ADCY1: variants seen among roughly 807,000 people sequenced by gnomAD.
ADCY1 encodes adenylate cyclase type 1.
ADCY1 carries 28 observed loss-of-function variants against 105.4 expected under a neutral mutation model. The observed-to-expected ratio is 0.27, with a 90% CI of 0.20 to 0.36. The LOEUF is 0.36. Ranked by LOEUF, ADCY1 falls within the 10% of genes least tolerant of loss-of-function variation. ADCY1 has a pLI of 1.00. For synonymous variants in ADCY1, 655 were observed against 623.8 expected (o/e 1.05, Z -0.75); for missense variants, 977 against 1,434.2 (o/e 0.68, Z 5.15).
At position 45,649,663 on chromosome 7, in the gene ADCY1, A is replaced by G. The variant is rs1366800915; in HGVS notation, c.1148+866A>G. Among the ~76,000 whole-genome samples, 7 of 152,198 alleles carry G rather than the reference A, an allele frequency of 4.6e-5. No homozygotes were observed. In the South Asian group the frequency reaches 1.4e-3, roughly 32 times the overall value. ...CCATCACTGCCTCGTGGGCTGCCCC[A>G]TGCAGTGCTCCTGCAGACAGTGTGA... On this transcript the variant is annotated intron_variant, in intron 5 of 19. Transcript: ENST00000297323.
At position 45,708,195 on chromosome 7, in the gene ADCY1, C is replaced by A. The variant is rs530394210; in HGVS notation, c.2818-155C>A. ...GCCAATACCCTGCCTCTCTCTTAGT[C>A]TCCTACCTGTAGAATGGAATGATAA... On this transcript the variant is annotated intron_variant, in intron 17 of 19. Transcript: ENST00000297323. The surrounding 1 kb of genome is among the most constrained non-coding windows in gnomAD (Gnocchi z 4.7). Among the ~76,000 whole-genome samples the A allele has an allele frequency of 6.6e-6, 1 of 152,336 alleles. No individual in the cohort carries two copies. The highest frequency in any genetic ancestry group is 1.5e-5 in the Non-Finnish European group (1 of 68,024).
intron 6 of ADCY1, among the ~76,000 whole-genome samples, chr7:45,658,584 G>T (rs532151874): frequency 6.6e-6 from 1 of 152,352 alleles, no homozygotes; most frequent in African/African-American, 2.4e-5. Context: ...TGTGCCCGGG[G>T]CTCAGCATAA....
At chr7:45,632,605 T>G (rs374445304) in intron 4 of ADCY1, among the ~76,000 whole-genome samples, 4 of 152,202 alleles carry the variant, frequency 2.6e-5, no homozygotes, top group African/African-American at 9.7e-5. Flanking sequence ...TTTCTGTTAC[T>G]CAGGCTGGAG....
intron 4 of ADCY1, among the ~76,000 whole-genome samples, chr7:45,625,727 G>A (rs1225094438): frequency 6.6e-6 from 1 of 151,522 alleles, no homozygotes; most frequent in Non-Finnish European, 1.5e-5. Context: ...TATGTGCCTT[G>A]TGTGTCCCCT....
intron 4 of ADCY1, among the ~76,000 whole-genome samples, chr7:45,625,510 A>G (rs571683391): frequency 6.6e-6 from 1 of 152,022 alleles, no homozygotes. Context: ...TGAATGTGTG[A>G]ACATGGGTGT....
chr7:45,696,049 G>A (rs546617851), intron 14 of ADCY1, among the ~76,000 whole-genome samples: 1 of 152,336 alleles, frequency 6.6e-6, no homozygotes, highest in Admixed American at 6.5e-5. Flanking sequence ...ACCAGAGGCC[G>A]TCTGAAACAG....
At chr7:45,691,232 A>G (rs145384681) in intron 14 of ADCY1, among the ~76,000 whole-genome samples, 209 of 152,350 alleles carry the variant, frequency 1.4e-3, no homozygotes, top group Middle Eastern at 3.4e-3. Flanking sequence ...TAGAATATGC[A>G]TTCCTGGGCC....
chr7:45,682,327 T>G (rs1784574971), intron 11 of ADCY1, among the ~76,000 whole-genome samples: 1 of 152,138 alleles, frequency 6.6e-6, no homozygotes, highest in African/African-American at 2.4e-5. Context: ...TGCTGAGGGT[T>G]GAAAAGGAAT....
chr7:45,690,664 G>T (rs892948249), intron 14 of ADCY1, among the ~76,000 whole-genome samples: 2 of 152,270 alleles, frequency 1.3e-5, no homozygotes, highest in African/African-American at 4.8e-5. Flanking sequence ...GATCTGGCCA[G>T]ATACAGCACA....
intron 1 of ADCY1, among the ~76,000 whole-genome samples, chr7:45,587,172 G>A (rs1484322967): frequency 6.6e-6 from 1 of 152,152 alleles, no homozygotes; most frequent in Non-Finnish European, 1.5e-5. Context: ...AGGCTGCTCT[G>A]TAAAAGGAGG....
chr7:45,671,782 AT>A (rs1369737856), intron 8 of ADCY1, among the ~76,000 whole-genome samples: 1 of 151,778 alleles, frequency 6.6e-6, no homozygotes, highest in South Asian at 2.1e-4. Flanking sequence ...GGATTATTTG[AT>A]TTTTTTGTGC....
intron 1 of ADCY1, among the ~76,000 whole-genome samples, chr7:45,587,734 C>T (rs1370554460): frequency 1.3e-5 from 2 of 152,096 alleles, no homozygotes; most frequent in African/African-American, 2.4e-5. Flanking sequence ...CAGTGACCCT[C>T]CAGTGTCTGA....
chr7:45,620,548 T>A (rs12702156), intron 3 of ADCY1, among the ~76,000 whole-genome samples: 39,133 of 151,956 alleles, frequency 0.26, 5,752 homozygotes, highest in East Asian at 0.49. Context: ...TGTCCCAAAG[T>A]TTTTGGAAAA....
chr7:45,635,601 G>GTTTT lies in ADCY1; in HGVS notation c.1020+12883_1020+12886dup, dbSNP rs71030884. On this transcript the variant is annotated intron_variant, in intron 4 of 19. Coordinates refer to ENST00000297323, the MANE Select transcript of ADCY1 (RefSeq NM_021116.4). Reference sequence around the variant, plus strand: ...TTCAAAATACTTTCTAATTTCTCTTGTTTTTTTTTTTTTTTTTTTTTTTTT... The same window carrying GTTTT: ...TTCAAAATACTTTCTAATTTCTCTTGTTTTTTTTTTTTTTTTTTTTTTTTTTTTT... Among the ~76,000 whole-genome samples the GTTTT allele has an allele frequency of 2.1e-3, 122 of 57,202 alleles. 14 individuals are homozygous for GTTTT. Among genetic ancestry groups the GTTTT allele is most frequent in the African/African-American group, 6.1e-3 (87 of 14,370 alleles). The allele number at this position is 57,202 out of a possible 152,430, so 37.5% of individuals were successfully genotyped here.
At chr7:45,585,422 C>T (rs1792688981) in intron 1 of ADCY1, among the ~76,000 whole-genome samples, 1 of 150,752 alleles carries the variant, frequency 6.6e-6, no homozygotes, top group East Asian at 2.0e-4. Flanking sequence ...TGGCAGGGTC[C>T]CATTGGGTGG....
rs1792269370 is a variant in ADCY1, at chr7:45,574,636, C to T, written c.93C>T (p.Arg31=). 2 of 1,211,482 alleles carry T rather than the reference C, an allele frequency of 1.7e-6. No individual in the cohort carries two copies. The allele number at this position is 1,211,482 out of a possible 1,614,324, so 75.0% of individuals were successfully genotyped here. ...GGGCGGCCGGGACAAGCCGCCGGCGCGGGCTCCGGGCGTGCGACGAGGAGT... is the reference window on the plus strand; with the variant it reads ...GGGCGGCCGGGACAAGCCGCCGGCGTGGGCTCCGGGCGTGCGACGAGGAGT... ...AERAAGTSRR[R]GLRACDEEFA... is the part of the protein sequence containing the mutation. The change falls in exon 1 of 20, where the codon CGC becomes CGT. Residue 31 remains arginine (R), a synonymous_variant. Transcript: ENST00000297323. This position sits in a 1 kb window ranked among gnomAD's most constrained non-coding sequence, Gnocchi z 7.0.
chr7:45,686,776 A>C lies in ADCY1; in HGVS notation c.2454+103A>C. On this transcript the variant is annotated intron_variant, in intron 14 of 19. Coordinates refer to ENST00000297323, the MANE Select transcript of ADCY1 (RefSeq NM_021116.4). This position sits in a 1 kb window ranked among gnomAD's most constrained non-coding sequence, Gnocchi z 4.3. ...GCTGCCACAGACACCCACACGCCGT[A>C]TGGCCCTCGGAGGGCCCTCCTCAGC... 1 of 1,468,130 alleles carries C rather than the reference A, an allele frequency of 6.8e-7. No individual in the cohort carries two copies. The highest frequency in any genetic ancestry group is 1.4e-5 in the South Asian group (1 of 72,644). The allele number at this position is 1,468,130 out of a possible 1,614,324, so 90.9% of individuals were successfully genotyped here. A position where few individuals can be genotyped will look rare whatever the true frequency, so the allele number is the denominator to read the frequency against.
In ADCY1 at chr7:45,722,939, T is replaced by C. The variant is rs1437715639; in HGVS notation, c.*8944T>C. On this transcript the variant is annotated 3_prime_UTR_variant, in exon 20 of 20. Transcript: ENST00000297323. ...TACCTTCCAGTCTTTTTCAAGATTG[T>C]TAAATTGAGACAAGTAATTGAATAA... 1 of 152,656 alleles carries C rather than the reference T, an allele frequency of 6.6e-6. No individual in the cohort carries two copies. Among genetic ancestry groups the C allele is most frequent in the Non-Finnish European group, 1.5e-5 (1 of 68,042 alleles). 9.5% of individuals were successfully genotyped at this position (152,656 alleles called of 1,614,324 possible). A position where few individuals can be genotyped will look rare whatever the true frequency, so the allele number is the denominator to read the frequency against.
rs1231550919 is a variant in ADCY1 at position 45,679,760 on chromosome 7, C to T, written c.1950C>T (p.Ala650=). The T allele has an allele frequency of 6.2e-7, 1 of 1,614,220 alleles. No individual in the cohort carries two copies. The highest frequency in any genetic ancestry group is 1.3e-5 in the African/African-American group (1 of 75,054). Residue 650 remains alanine (A), a synonymous_variant, in exon 11 of 20, where the codon GCC becomes GCT. Transcript: ENST00000297323. Reference sequence around the variant, plus strand: ...TATTCTGCATCTGCTTCCTGGTGGCCTGTGTCCTGTACCTGCACATCACCC... The same window carrying T: ...TATTCTGCATCTGCTTCCTGGTGGCTTGTGTCCTGTACCTGCACATCACCC... ...LLVFCICFLV[A]CVLYLHITRV...
Sources: gnomAD v4.1 joint callset for allele counts (sites outside exome capture counted in the v4.1 genomes callset) on GRCh38, gnomAD v4.1.1 for gene constraint, Gnocchi (gnomAD v3.1) non-coding constraint, MANE v1.5 for transcripts, NCBI Gene and HGNC (gene_info 2026-07-23, HGNC 2026-07-21) for gene names.